The following TMEM45B variants were observed in gnomAD, a reference collection of about 807,000 sequenced individuals.
TMEM45B encodes the protein transmembrane protein 45B.
In TMEM45B, 29 loss-of-function variants were observed where a neutral mutation model predicts 27.3. The observed-to-expected ratio is 1.06, with a 90% confidence interval of 0.79 to 1.45. The LOEUF is 1.45. TMEM45B is among the 40% of genes most tolerant of loss of function. TMEM45B has a pLI of 0.00. For synonymous variants in TMEM45B, 143 were observed against 134.7 expected, an observed-to-expected ratio of 1.06 and a Z score of -0.43; for missense variants, 348 against 343.9, an observed-to-expected ratio of 1.01 and a Z score of -0.09.
chr11:129,839,428 T>A (rs1361922529), intron 1 of TMEM45B, among the ~76,000 whole-genome samples: 1 of 152,136 alleles, frequency 6.6e-6, no homozygotes. Flanking sequence ...GTCCAAAACA[T>A]TCAATCCTCC....
intron 3 of TMEM45B, 30 bp downstream of exon 3, chr11:129,854,846 G>C (rs1474611689): frequency 1.2e-6 from 2 of 1,603,268 alleles, no homozygotes; most frequent in South Asian, 2.2e-5. Flanking sequence ...GGAGAGGAAG[G>C]AGAGCCTGAC....
intron 1 of TMEM45B, among the ~76,000 whole-genome samples, chr11:129,850,800 C>T (rs777539748): frequency 6.6e-6 from 1 of 152,206 alleles, no homozygotes; most frequent in Non-Finnish European, 1.5e-5. Context: ...TACAGCTCTC[C>T]TCTTCTTCTG....
chr11:129,825,552 T>G (rs1395333874), intron 1 of TMEM45B, among the ~76,000 whole-genome samples: 1 of 152,180 alleles, frequency 6.6e-6, no homozygotes, highest in African/African-American at 2.4e-5. Flanking sequence ...GATGAAGTTG[T>G]GGGAGTCACC....
chr11:129,833,298 G>A (rs1947576844), intron 1 of TMEM45B, among the ~76,000 whole-genome samples: 1 of 151,724 alleles, frequency 6.6e-6, no homozygotes, highest in South Asian at 2.1e-4. Flanking sequence ...ATTGATGAAT[G>A]GATAAATAAC....
At position 129,854,177 on chromosome 11, in the gene TMEM45B, C is replaced by G. The variant is rs4937468; in HGVS notation, c.179-433C>G. On this transcript the variant is annotated intron_variant, in intron 2 of 5. Transcript: ENST00000281441. ...ACAGGTATCTTCATTACCAGTGTGT[C>G]TCTGCTCAGATTCTGCTTTCAGCCT... Among the ~76,000 whole-genome samples, 548 of 152,334 alleles carry G rather than the reference C, an allele frequency of 3.6e-3. 13 individuals carry two copies. Among genetic ancestry groups the G allele is most frequent in the Admixed American group, 0.033 (511 of 15,300 alleles).
At chr11:129,829,547 C>T (rs1268053430) in intron 1 of TMEM45B, among the ~76,000 whole-genome samples, 1 of 152,182 alleles carries the variant, frequency 6.6e-6, no homozygotes, top group Non-Finnish European at 1.5e-5. Context: ...GAGTAAGTGA[C>T]ATTATCTAGT....
intron 1 of TMEM45B, among the ~76,000 whole-genome samples, chr11:129,849,575 G>A (rs922957167): frequency 6.6e-6 from 1 of 152,166 alleles, no homozygotes; most frequent in African/African-American, 2.4e-5. Context: ...CCTTTCCATC[G>A]AGGTGGAGGC....
In TMEM45B at chr11:129,833,968, G is replaced by C. The variant is rs116494327; in HGVS notation, c.-9+18070G>C. Among the ~76,000 whole-genome samples the C allele has an allele frequency of 6.2e-3, 947 of 152,350 alleles. 16 individuals carry two copies. Among genetic ancestry groups the C allele is most frequent in the African/African-American group, 0.022 (915 of 41,584 alleles). ...GGCTGTGGTTTAAGTCCCCTAGTCT[G>C]TGGGACTTTGTTACAGCAGCCCTGG... On this transcript the variant is annotated intron_variant, in intron 1 of 5. Transcript: ENST00000281441.
intron 1 of TMEM45B, among the ~76,000 whole-genome samples, chr11:129,840,351 A>G (rs373771460): frequency 1.3e-5 from 2 of 152,228 alleles, no homozygotes; most frequent in African/African-American, 4.8e-5. Flanking sequence ...GCTGGTATCA[A>G]GTACATAGAG....
At chr11:129,852,450 T>G in intron 1 of TMEM45B, 25 bp from the exon 2 acceptor site, 1 of 1,574,954 alleles carries the variant, frequency 6.3e-7, no homozygotes, top group Non-Finnish European at 8.7e-7. Flanking sequence ...ATTAGCCACC[T>G]AACAGCCTTC....
chr11:129,858,724 T>C lies in TMEM45B; in HGVS notation c.*39T>C. The C allele has an allele frequency of 7.0e-7, 1 of 1,433,592 alleles. No homozygotes were observed. Among genetic ancestry groups the C allele is most frequent in the Non-Finnish European group, 9.6e-7 (1 of 1,043,060 alleles). The allele number at this position is 1,433,592 out of a possible 1,614,324, so 88.8% of individuals were successfully genotyped here. A position where few individuals can be genotyped will look rare whatever the true frequency, so the allele number is the denominator to read the frequency against. On this transcript the variant is annotated 3_prime_UTR_variant, in exon 6 of 6. Coordinates refer to ENST00000281441, the MANE Select transcript of TMEM45B (RefSeq NM_138788.5). ...GGGCGCAGATGTCCCACTGCACAGC[T>C]GGAATGAATGGAGTTCATCCCCTCC...
intron 1 of TMEM45B, among the ~76,000 whole-genome samples, chr11:129,836,900 A>C: frequency 6.6e-6 from 1 of 152,232 alleles, no homozygotes; most frequent in Middle Eastern, 3.2e-3. Flanking sequence ...TCGTGCCAAC[A>C]GAAAGGGCCA....
chr11:129,854,805 TATTCATGGAAGGTAATTTTGTGGA>T lies in TMEM45B; in HGVS notation c.376_385+14del. 1 of 1,613,510 alleles carries T rather than the reference TATTCATGGAAGGTAATTTTGTGGA, an allele frequency of 6.2e-7. No homozygotes were observed. On this transcript the variant is annotated splice_donor_variant and splice_donor_5th_base_variant and coding_sequence_variant and intron_variant, in exon 3 of 6. Coordinates refer to ENST00000281441, the MANE Select transcript of TMEM45B (RefSeq NM_138788.5). LOFTEE classifies it high-confidence loss of function. ...GACAGACTGGTTATGGCTGTGGCAG[TATTCATGGAAGGTAATTTTGTGGA>T]ACGGATGGAGAGGAAGGAGAGCCTG...
intron 1 of TMEM45B, among the ~76,000 whole-genome samples, chr11:129,825,475 ATGTC>A (rs1488811963): frequency 2.6e-5 from 4 of 151,928 alleles, no homozygotes; most frequent in Non-Finnish European, 4.4e-5. Flanking sequence ...GTTTATGTGC[ATGTC>A]TGTCTGTTCA....
chr11:129,833,057 C>A (rs1412703904), intron 1 of TMEM45B, among the ~76,000 whole-genome samples: 1 of 151,802 alleles, frequency 6.6e-6, no homozygotes, highest in East Asian at 1.9e-4. Flanking sequence ...GCCTGGCCAA[C>A]ATGGTGAAAC....
intron 2 of TMEM45B, among the ~76,000 whole-genome samples, chr11:129,853,474 C>T (rs1259323325): frequency 6.6e-6 from 1 of 152,184 alleles, no homozygotes; most frequent in East Asian, 1.9e-4. Context: ...GCTGAATGTC[C>T]CCACTCACCA....
chr11:129,859,668 A>C lies in TMEM45B; in HGVS notation c.*983A>C, dbSNP rs1947981725. 6.6e-6 allele frequency: 1 copy of C among 152,068 alleles called. No individual in the cohort carries two copies. Among genetic ancestry groups the C allele is most frequent in the Admixed American group, 6.6e-5 (1 of 15,264 alleles). 9.4% of individuals were successfully genotyped at this position (152,068 alleles called of 1,614,324 possible). On this transcript the variant is annotated 3_prime_UTR_variant, in exon 6 of 6. Transcript: ENST00000281441. ...ACCCCGTCTCTACTGAAAATACAAA[A>C]AATTAGCCGGGTGTGGTGGCGGGCG... is the stretch of plus-strand genomic sequence containing the variant.
intron 1 of TMEM45B, among the ~76,000 whole-genome samples, chr11:129,831,638 TA>T (rs1416988226): frequency 1.3e-5 from 2 of 152,112 alleles, no homozygotes; most frequent in Non-Finnish European, 2.9e-5. Flanking sequence ...CCAAGAGAAA[TA>T]AAAACATCTG....
intron 1 of TMEM45B, among the ~76,000 whole-genome samples, chr11:129,820,826 T>A (rs1046142259): frequency 1.3e-5 from 2 of 152,216 alleles, no homozygotes; most frequent in Non-Finnish European, 2.9e-5. Context: ...GAGTTTATAC[T>A]GAGTATAGAA....
Sources: gnomAD v4.1 joint callset for allele counts (sites outside exome capture counted in the v4.1 genomes callset) on GRCh38, gnomAD v4.1.1 for gene constraint, MANE v1.5 for transcripts, NCBI Gene and HGNC (gene_info 2026-07-23, HGNC 2026-07-21) for gene names.